The following ADAM12 variants were observed in gnomAD, a reference collection of about 807,000 sequenced individuals.
ADAM12 encodes ADAM metallopeptidase domain 12.
In ADAM12, 70 loss-of-function variants were observed where a neutral mutation model predicts 106.4. The ratio of observed to expected loss-of-function variants is 0.66; its 90% CI spans 0.54 to 0.80. ADAM12 has a LOEUF of 0.80. ADAM12 is among the 30% of genes least tolerant of loss of function. The probability of loss-of-function intolerance (pLI) is 0.00; values close to 1 mark genes in which losing one functional copy is unlikely to be tolerated. For missense variants in ADAM12, 1,010 were observed against 1,171.9 expected (o/e 0.86, Z 2.02); for synonymous variants, 420 against 433.5 (o/e 0.97, Z 0.39).
At chr10:126,032,283 C>G (rs762084408) in intron 21 of ADAM12, among the ~76,000 whole-genome samples, 1 of 152,150 alleles carries the variant, frequency 6.6e-6, no homozygotes, top group African/African-American at 2.4e-5. Context: ...AAACAAGAGT[C>G]ACCTCCAAAT....
chr10:126,056,913 C>T lies in ADAM12; in HGVS notation c.1610-7244G>A, dbSNP rs1434336152. On this transcript the variant is annotated intron_variant, in intron 14 of 22. Coordinates refer to ENST00000448723, the MANE Select transcript of ADAM12 (RefSeq NM_001288973.2). ...TGTGAATAGTGCCGCAATAAACATACGTGTGCATGTGTCTTTATAGCAGCA... is the reference window on the plus strand; with the variant it reads ...TGTGAATAGTGCCGCAATAAACATATGTGTGCATGTGTCTTTATAGCAGCA... Among the ~76,000 whole-genome samples the T allele has an allele frequency of 1.2e-4, 3 of 24,418 alleles. 1 individual carries two copies. The highest frequency in any genetic ancestry group is 1.7e-4 in the Non-Finnish European group (2 of 11,592). The allele number at this position is 24,418 out of a possible 152,430, so 16.0% of individuals were successfully genotyped here. A position where few individuals can be genotyped will look rare whatever the true frequency, so the allele number is the denominator to read the frequency against.
intron 3 of ADAM12, among the ~76,000 whole-genome samples, chr10:126,264,516 C>G (rs1417251409): frequency 2.0e-5 from 3 of 152,140 alleles, no homozygotes; most frequent in African/African-American, 7.2e-5. Context: ...TTGAATCTAC[C>G]TCATCCCACA....
chr10:126,198,158 C>T (rs1006419062), intron 3 of ADAM12, among the ~76,000 whole-genome samples: 3 of 152,182 alleles, frequency 2.0e-5, no homozygotes, highest in Admixed American at 6.5e-5. Flanking sequence ...CCACGGCCCT[C>T]CCTGGAAAGC....
chr10:126,288,358 C>T (rs925035611), intron 2 of ADAM12, among the ~76,000 whole-genome samples: 1 of 152,120 alleles, frequency 6.6e-6, no homozygotes, highest in Non-Finnish European at 1.5e-5. Context: ...CAGGCTGGGT[C>T]CCAGCACCCT....
intron 1 of ADAM12, among the ~76,000 whole-genome samples, chr10:126,347,934 G>T (rs1211543049): frequency 6.6e-6 from 1 of 152,178 alleles, no homozygotes; most frequent in African/African-American, 2.4e-5. Context: ...GGGTACCAAT[G>T]GTACAGGCTG....
intron 2 of ADAM12, among the ~76,000 whole-genome samples, chr10:126,327,973 T>G (rs73386753): frequency 0.015 from 2,323 of 152,260 alleles, 64 homozygotes; most frequent in African/African-American, 0.052. Context: ...TCCTCCCTGC[T>G]CCTCCAGCCT....
intron 3 of ADAM12, among the ~76,000 whole-genome samples, chr10:126,197,323 C>T (rs1957614948): frequency 6.6e-6 from 1 of 152,174 alleles, no homozygotes; most frequent in South Asian, 2.1e-4. Flanking sequence ...TCCTCGAATC[C>T]CTGAGGCCGA....
At position 126,098,619 on chromosome 10, in the gene ADAM12, G is replaced by A. The variant is rs1955601367; in HGVS notation, c.912-119C>T. On this transcript the variant is annotated intron_variant, in intron 9 of 22. Coordinates refer to ENST00000448723, the MANE Select transcript of ADAM12 (RefSeq NM_001288973.2). ...TACGCAAAAATAAAAATAGCTGTAT[G>A]AGGGTATATTCACATGTGATTTTAT... 7 of 812,638 alleles carry A rather than the reference G, an allele frequency of 8.6e-6. No homozygotes were observed. The East Asian group carries it at 1.8e-4, about 21-fold the overall frequency. The allele number at this position is 812,638 out of a possible 1,614,324, so 50.3% of individuals were successfully genotyped here. A position where few individuals can be genotyped will look rare whatever the true frequency, so the allele number is the denominator to read the frequency against.
intron 1 of ADAM12, among the ~76,000 whole-genome samples, chr10:126,345,385 T>C (rs573799648): frequency 1.1e-3 from 165 of 152,326 alleles, no homozygotes; most frequent in African/African-American, 3.8e-3. Flanking sequence ...CACTTGATCA[T>C]GGTAGATAAA....
Position 126,053,427 on chromosome 10 carries a change from G to A in ADAM12, c.1610-3758C>T, listed in dbSNP as rs943192465. On this transcript the variant is annotated intron_variant, in intron 14 of 22. Transcript: ENST00000448723. The surrounding 1 kb of genome is among the most constrained non-coding windows in gnomAD (Gnocchi z 4.6). ...ATGCAATGCCTTGTTTACCAATAAC[G>A]CAGAAGCATGGTACACGCCCCAGCA... Among the ~76,000 whole-genome samples, 5 of 152,006 alleles carry A rather than the reference G, an allele frequency of 3.3e-5. No homozygotes were observed. The highest frequency in any genetic ancestry group is 1.9e-4 in the East Asian group (1 of 5,184).
intron 2 of ADAM12, among the ~76,000 whole-genome samples, chr10:126,308,675 C>A (rs1590760537): frequency 6.6e-6 from 1 of 152,138 alleles, no homozygotes; most frequent in East Asian, 1.9e-4. Flanking sequence ...AGGAAATGCC[C>A]TCAAACTATA....
At chr10:126,076,983 T>C (rs1267783007) in intron 11 of ADAM12, among the ~76,000 whole-genome samples, 3 of 152,222 alleles carry the variant, frequency 2.0e-5, no homozygotes, top group Non-Finnish European at 4.4e-5. Flanking sequence ...GCTGACAATA[T>C]AATTCTATAC....
rs182712440 is a variant in ADAM12, at chr10:126,302,143, T to C, written c.187-23155A>G. Among the ~76,000 whole-genome samples the C allele has an allele frequency of 6.3e-3, 956 of 152,332 alleles. 13 individuals carry two copies. Among genetic ancestry groups the C allele is most frequent in the African/African-American group, 0.022 (900 of 41,572 alleles). ...TAAATCAAATAATCGTTTGGCTTTC[T>C]CTCTTTGTTCCTCAAACCCCACCAA... On this transcript the variant is annotated intron_variant, in intron 2 of 22. Coordinates refer to ENST00000448723, the MANE Select transcript of ADAM12 (RefSeq NM_001288973.2).
rs1565067782 is a variant in ADAM12, at chr10:126,113,718, ATATATATATAT to A, written c.604-3889_604-3879del. Reference sequence around the variant, plus strand: ...TATATATATATATATATATATATATATATATATATATATAATATATTGCTCTGGCTACTGGA... The same window carrying A: ...TATATATATATATATATATATATATAATAATATATTGCTCTGGCTACTGGA... On this transcript the variant is annotated intron_variant, in intron 6 of 22. Transcript: ENST00000448723. Among the ~76,000 whole-genome samples, 87 of 68,930 alleles carry A rather than the reference ATATATATATAT, an allele frequency of 1.3e-3. 3 individuals are homozygous for A. Among genetic ancestry groups the A allele is most frequent in the African/African-American group, 4.6e-3 (75 of 16,180 alleles). 45.2% of individuals were successfully genotyped at this position (68,930 alleles called of 152,430 possible). A position where few individuals can be genotyped will look rare whatever the true frequency, so the allele number is the denominator to read the frequency against.
At chr10:126,367,876 T>C (rs12571449) in intron 1 of ADAM12, among the ~76,000 whole-genome samples, 18,637 of 151,910 alleles carry the variant, frequency 0.12, 1,595 homozygotes, top group East Asian at 0.26. Context: ...ATAACAATCT[T>C]ATACGAACTC....
intron 5 of ADAM12, among the ~76,000 whole-genome samples, chr10:126,122,778 A>G (rs1956138464): frequency 6.6e-6 from 1 of 152,152 alleles, no homozygotes; most frequent in African/African-American, 2.4e-5. Context: ...AAAAAACAAA[A>G]ACAGGCAAGG....
chr10:126,158,270 A>C (rs1956855875), intron 3 of ADAM12, among the ~76,000 whole-genome samples: 1 of 150,592 alleles, frequency 6.6e-6, no homozygotes, highest in African/African-American at 2.5e-5. Context: ...GAGCACAGGG[A>C]GAGAATGCAC....
chr10:126,244,624 T>C (rs1365799225), intron 3 of ADAM12, among the ~76,000 whole-genome samples: 1 of 152,168 alleles, frequency 6.6e-6, no homozygotes, highest in East Asian at 1.9e-4. Context: ...TACTGACAGC[T>C]ATTAATTCAC....
chr10:126,350,557 C>G (rs1855313558), intron 1 of ADAM12, among the ~76,000 whole-genome samples: 4 of 152,248 alleles, frequency 2.6e-5, no homozygotes, highest in Admixed American at 2.6e-4. Context: ...TGCTCCAGAG[C>G]CTGACTCTGT....
Sources: gnomAD v4.1 joint callset for allele counts (sites outside exome capture counted in the v4.1 genomes callset) on GRCh38, gnomAD v4.1.1 for gene constraint, Gnocchi (gnomAD v3.1) non-coding constraint, MANE v1.5 for transcripts, NCBI Gene and HGNC (gene_info 2026-07-23, HGNC 2026-07-21) for gene names.